The following CCDC60 variants were observed in gnomAD, a reference collection of about 807,000 sequenced individuals.
CCDC60 encodes the protein coiled-coil domain containing 60.
In CCDC60, 54 loss-of-function variants were observed where a neutral mutation model predicts 63.5. That is an observed-to-expected ratio of 0.85 (90% CI 0.68 to 1.07). CCDC60 has a LOEUF of 1.07. Ranked by LOEUF, CCDC60 falls within the 50% of genes least tolerant of loss-of-function variation. The probability of loss-of-function intolerance (pLI) is 0.00; values close to 1 mark genes in which losing one functional copy is unlikely to be tolerated. For synonymous variants in CCDC60, 206 were observed against 238.8 expected (o/e 0.86, Z 1.27); for missense variants, 651 against 684.3 (o/e 0.95, Z 0.54).
intron 1 of CCDC60, among the ~76,000 whole-genome samples, chr12:119,397,274 C>A (rs1003975505): frequency 6.6e-6 from 1 of 152,182 alleles, no homozygotes; most frequent in African/African-American, 2.4e-5. Flanking sequence ...GGACCTGAGC[C>A]GGTTGCCTCT....
intron 1 of CCDC60, among the ~76,000 whole-genome samples, chr12:119,397,483 A>G (rs943410476): frequency 6.6e-6 from 1 of 151,864 alleles, no homozygotes; most frequent in Admixed American, 6.6e-5. Flanking sequence ...CTCTAGCTAG[A>G]CATAAAAGTT....
Position 119,334,976 on chromosome 12 carries a change from G to A in CCDC60, c.-201G>A, listed in dbSNP as rs1761957304. On this transcript the variant is annotated 5_prime_UTR_variant, in exon 1 of 14. Coordinates refer to ENST00000327554, the MANE Select transcript of CCDC60 (RefSeq NM_178499.5). ...GGCTTGCCTGATTCTGCCCTACCCG[G>A]ACTTCCTTATCCCGTCTGTGGGAGA... The A allele has an allele frequency of 2.2e-6, 1 of 458,012 alleles. No homozygotes were observed. The highest frequency in any genetic ancestry group is 3.8e-6 in the Non-Finnish European group (1 of 259,776). 28.4% of individuals were successfully genotyped at this position (458,012 alleles called of 1,614,324 possible). A position where few individuals can be genotyped will look rare whatever the true frequency, so the allele number is the denominator to read the frequency against.
At chr12:119,449,501 C>T (rs12580855) in intron 2 of CCDC60, among the ~76,000 whole-genome samples, 6 of 152,050 alleles carry the variant, frequency 3.9e-5, no homozygotes, top group East Asian at 1.9e-4. Flanking sequence ...AAAGAAAATG[C>T]GAATGCACCA....
At chr12:119,384,594 G>A (rs935547408) in intron 1 of CCDC60, among the ~76,000 whole-genome samples, 21 of 152,252 alleles carry the variant, frequency 1.4e-4, no homozygotes, top group African/African-American at 4.1e-4. Flanking sequence ...CATTCCCTGC[G>A]AGCTCCGGGC....
At chr12:119,358,168 G>A (rs1378621295) in intron 1 of CCDC60, among the ~76,000 whole-genome samples, 2 of 152,042 alleles carry the variant, frequency 1.3e-5, no homozygotes, top group African/African-American at 2.4e-5. Context: ...CCAACACTGG[G>A]GATTACAATT....
intron 1 of CCDC60, among the ~76,000 whole-genome samples, chr12:119,388,999 CCTCT>C (rs935468615): frequency 6.6e-6 from 1 of 152,110 alleles, no homozygotes; most frequent in Non-Finnish European, 1.5e-5. Flanking sequence ...CATCATTTGC[CCTCT>C]CTGAGTCTTA....
intron 5 of CCDC60, among the ~76,000 whole-genome samples, chr12:119,493,252 G>A (rs1951632810): frequency 6.6e-6 from 1 of 152,090 alleles, no homozygotes; most frequent in Admixed American, 6.5e-5. Flanking sequence ...AGATCCCAGA[G>A]GCTCCATTTC....
chr12:119,530,581 A>T (rs1952813793), intron 12 of CCDC60, among the ~76,000 whole-genome samples: 2 of 152,220 alleles, frequency 1.3e-5, no homozygotes, highest in Non-Finnish European at 2.9e-5. Flanking sequence ...CCCAAAGTCC[A>T]TTCCTTTCTT....
intron 2 of CCDC60, among the ~76,000 whole-genome samples, chr12:119,470,324 T>G (rs1048839855): frequency 3.3e-5 from 5 of 152,208 alleles, no homozygotes; most frequent in Non-Finnish European, 7.3e-5. Flanking sequence ...TGTGAACTCC[T>G]TGGGGGGTAA....
intron 4 of CCDC60, among the ~76,000 whole-genome samples, chr12:119,480,357 G>A (rs1258195043): frequency 6.6e-6 from 1 of 152,132 alleles, no homozygotes; most frequent in East Asian, 1.9e-4. Context: ...CAAAGCCCAA[G>A]CTTTCATCAC....
intron 5 of CCDC60, among the ~76,000 whole-genome samples, chr12:119,499,226 A>C (rs974504826): frequency 3.9e-5 from 6 of 152,236 alleles, no homozygotes; most frequent in African/African-American, 1.4e-4. Context: ...TGTGTCACCA[A>C]CAGAACCTAC....
rs145139849 is a variant in CCDC60, at chr12:119,462,813, T to C, written c.171-9181T>C. Among the ~76,000 whole-genome samples the C allele has an allele frequency of 5.9e-3, 896 of 150,596 alleles. 11 individuals are homozygous for C. The highest frequency in any genetic ancestry group is 0.021 in the African/African-American group (871 of 41,182). ...CTTCATTTATTTATTTATTTATTTA[T>C]TTATTTATTTATTTATTTATTTATT... On this transcript the variant is annotated intron_variant, in intron 2 of 13. Transcript: ENST00000327554.
At chr12:119,463,232 C>T (rs541876600) in intron 2 of CCDC60, among the ~76,000 whole-genome samples, 6 of 152,222 alleles carry the variant, frequency 3.9e-5, no homozygotes, top group Non-Finnish European at 8.8e-5. Flanking sequence ...AACAGCAAAT[C>T]CCTGGCACCT....
intron 12 of CCDC60, among the ~76,000 whole-genome samples, chr12:119,529,501 G>A (rs988506296): frequency 5.3e-5 from 8 of 152,002 alleles, no homozygotes; most frequent in Non-Finnish European, 5.9e-5. Flanking sequence ...ATCCTAGCAG[G>A]GTGAATACAC....
Position 119,471,977 on chromosome 12 carries a change from T to C in CCDC60, c.171-17T>C. The C allele has an allele frequency of 6.2e-7, 1 of 1,609,186 alleles. No individual in the cohort carries two copies. The highest frequency in any genetic ancestry group is 8.5e-7 in the Non-Finnish European group (1 of 1,177,288). On this transcript the variant is annotated splice_polypyrimidine_tract_variant and intron_variant, in intron 2 of 13. Transcript: ENST00000327554. Reference sequence around the variant, plus strand: ...ACCTTCCTCCCTCTCTCCCTCTTCCTCCCTGCATGTCTCCAGCTTTTTGAT... The same window carrying C: ...ACCTTCCTCCCTCTCTCCCTCTTCCCCCCTGCATGTCTCCAGCTTTTTGAT...
chr12:119,406,184 T>C (rs1306730592), intron 1 of CCDC60, among the ~76,000 whole-genome samples: 1 of 123,514 alleles, frequency 8.1e-6, no homozygotes, highest in East Asian at 2.7e-4. Flanking sequence ...AAAATATATA[T>C]ATATATAGAT....
intron 3 of CCDC60, among the ~76,000 whole-genome samples, chr12:119,477,105 G>T (rs1419491931): frequency 6.6e-6 from 1 of 152,198 alleles, no homozygotes; most frequent in African/African-American, 2.4e-5. Flanking sequence ...TTGGCTGTCA[G>T]TTCGTGAGCT....
intron 2 of CCDC60, among the ~76,000 whole-genome samples, chr12:119,470,481 G>A (rs1951035120): frequency 2.0e-5 from 3 of 152,164 alleles, no homozygotes; most frequent in South Asian, 4.1e-4. Context: ...GAAAAATGCT[G>A]GAAAATCCCG....
chr12:119,413,608 T>G (rs545061097), intron 1 of CCDC60, among the ~76,000 whole-genome samples: 5 of 152,338 alleles, frequency 3.3e-5, no homozygotes, highest in Admixed American at 6.5e-5. Flanking sequence ...AGTGGGCCTC[T>G]CAGCATCCTC....
Sources: allele counts gnomAD v4.1 joint callset (sites outside exome capture counted in the v4.1 genomes callset), GRCh38; gene constraint gnomAD v4.1.1; transcripts MANE v1.5; gene names NCBI Gene and HGNC (gene_info 2026-07-23, HGNC 2026-07-21).